FGD4: variants seen among roughly 807,000 people sequenced by gnomAD.
FGD4 encodes FYVE, RhoGEF and PH domain-containing protein 4.
In FGD4, 42 loss-of-function variants were observed where a neutral mutation model predicts 102.0. The ratio of observed to expected loss-of-function variants is 0.41; its 90% CI spans 0.32 to 0.53. The LOEUF is 0.53. FGD4 is among the 20% of genes least tolerant of loss of function. FGD4 has a pLI of 0.21. For synonymous variants in FGD4, 380 were observed against 375.7 expected (o/e 1.01, Z -0.13); for missense variants, 902 against 1,078.2 (o/e 0.84, Z 2.29).
chr12:32,429,532 T>A (rs983126913), intron 1 of FGD4, among the ~76,000 whole-genome samples: 2 of 152,212 alleles, frequency 1.3e-5, no homozygotes, highest in African/African-American at 4.8e-5. Context: ...AGGCAGTCTG[T>A]CCCTTAGCAG....
In FGD4 at chr12:32,625,636, T is replaced by C. The variant is rs1287149077; in HGVS notation, c.2047-18T>C. 6.2e-7 allele frequency: 1 copy of C among 1,613,078 alleles called. No individual in the cohort carries two copies. Among genetic ancestry groups the C allele is most frequent in the South Asian group, 1.1e-5 (1 of 90,872 alleles). On this transcript the variant is annotated intron_variant, in intron 13 of 16. Coordinates refer to ENST00000534526, the MANE Select transcript of FGD4 (RefSeq NM_001370298.3). ...ATAGTTTTTTTCTATTAAAATTGAA[T>C]CTTTCTTCCCTTTTTAGACTGCTGA...
At chr12:32,550,587 C>T (rs1943570436) in intron 1 of FGD4, among the ~76,000 whole-genome samples, 1 of 144,392 alleles carries the variant, frequency 6.9e-6, no homozygotes, top group South Asian at 2.2e-4. Flanking sequence ...GAGAGGATCA[C>T]TTGAGCCTGT....
chr12:32,479,384 G>A (rs1226750103), intron 1 of FGD4, among the ~76,000 whole-genome samples: 1 of 151,790 alleles, frequency 6.6e-6, no homozygotes, highest in Admixed American at 6.6e-5. Context: ...TAATAGAAAC[G>A]GGGTCTCCCT....
intron 1 of FGD4, among the ~76,000 whole-genome samples, chr12:32,549,710 C>T (rs1041306584): frequency 1.3e-5 from 2 of 152,158 alleles, no homozygotes; most frequent in African/African-American, 2.4e-5. Context: ...TGTTTAGGGA[C>T]GGCTGAGGCC....
chr12:32,583,003 A>T (rs981763705), intron 4 of FGD4: 1 of 153,678 alleles, frequency 6.5e-6, no homozygotes, highest in Non-Finnish European at 1.4e-5. Flanking sequence ...ACCCAATTTT[A>T]TAATAAATGG....
intron 16 of FGD4, among the ~76,000 whole-genome samples, chr12:32,639,271 CATCTGCCTCA>C (rs1334678623): frequency 6.6e-6 from 1 of 152,136 alleles, no homozygotes; most frequent in Admixed American, 6.5e-5. Flanking sequence ...TCAAGTGATT[CATCTGCCTCA>C]GCCTCCCGAG....
intron 1 of FGD4, among the ~76,000 whole-genome samples, chr12:32,489,899 A>G (rs1390695547): frequency 6.6e-6 from 1 of 152,160 alleles, no homozygotes; most frequent in East Asian, 1.9e-4. Context: ...TGTCAGAATT[A>G]TGAGCCAAAC....
chr12:32,443,490 A>G (rs1028643900), intron 1 of FGD4, among the ~76,000 whole-genome samples: 5 of 150,318 alleles, frequency 3.3e-5, no homozygotes, highest in African/African-American at 1.2e-4. Context: ...AGCTGGGACT[A>G]CAGGCATGCC....
chr12:32,558,701 T>G (rs1239179219), intron 1 of FGD4, among the ~76,000 whole-genome samples: 1 of 152,214 alleles, frequency 6.6e-6, no homozygotes, highest in Non-Finnish European at 1.5e-5. Flanking sequence ...GCATGACTGT[T>G]TAAATGCCAA....
At chr12:32,599,367 G>A (rs1948166226) in intron 5 of FGD4, among the ~76,000 whole-genome samples, 1 of 142,546 alleles carries the variant, frequency 7.0e-6, no homozygotes, top group African/African-American at 2.7e-5. Flanking sequence ...GGTAGCGGGC[G>A]CCTGTAGTCC....
At chr12:32,545,044 A>C (rs955993744) in intron 1 of FGD4, among the ~76,000 whole-genome samples, 2 of 152,228 alleles carry the variant, frequency 1.3e-5, no homozygotes, top group African/African-American at 4.8e-5. Flanking sequence ...GTCATGGTTG[A>C]GAGCTACTGA....
At chr12:32,574,558 T>C (rs979301998) in intron 2 of FGD4, among the ~76,000 whole-genome samples, 4 of 152,310 alleles carry the variant, frequency 2.6e-5, no homozygotes, top group African/African-American at 7.2e-5. Flanking sequence ...CCCAAACATA[T>C]GTTGGAAAAT....
intron 1 of FGD4, among the ~76,000 whole-genome samples, chr12:32,462,161 G>A (rs547581110): frequency 5.7e-4 from 87 of 152,204 alleles, no homozygotes; most frequent in South Asian, 1.2e-3. Flanking sequence ...TTCCATTCTT[G>A]ATGTGGCAGC....
chr12:32,604,640 A>C (rs78261862), intron 7 of FGD4, among the ~76,000 whole-genome samples: 5 of 152,196 alleles, frequency 3.3e-5, no homozygotes, highest in Non-Finnish European at 7.4e-5. Context: ...CTTCACTTCT[A>C]CTGATGTTGT....
Position 32,499,889 on chromosome 12 carries a change from A to G in FGD4, c.167-64248A>G, listed in dbSNP as rs142827522. ...AAAAATTAGCTGGGTGTGGTGGCAC[A>G]TGCCTGTAGTCCCAACTACTTGAGG... is the stretch of plus-strand genomic sequence containing the variant. On this transcript the variant is annotated intron_variant, in intron 1 of 16. Transcript: ENST00000534526. 9.2e-3 allele frequency among the ~76,000 whole-genome samples: 1,396 copies of G among 152,320 alleles called. 29 individuals carry two copies. Among genetic ancestry groups the G allele is most frequent in the African/African-American group, 0.032 (1,327 of 41,576 alleles).
rs1160771494 is a variant in FGD4, at chr12:32,643,037, T to G, written c.*2504T>G. 1.3e-5 allele frequency: 2 copies of G among 152,558 alleles called. No homozygotes were observed. The highest frequency in any genetic ancestry group is 2.9e-5 in the Non-Finnish European group (2 of 67,948). 9.5% of individuals were successfully genotyped at this position (152,558 alleles called of 1,614,324 possible). ...TCTTAATTCTTTATTTTCACTCATT[T>G]GGTGCTTTCCAAGTCATCTTTTCTT... On this transcript the variant is annotated 3_prime_UTR_variant, in exon 17 of 17. Coordinates refer to ENST00000534526, the MANE Select transcript of FGD4 (RefSeq NM_001370298.3).
At chr12:32,401,470 A>T (rs951976763) in intron 1 of FGD4, among the ~76,000 whole-genome samples, 1 of 152,104 alleles carries the variant, frequency 6.6e-6, no homozygotes, top group African/African-American at 2.4e-5. Context: ...CATGTTGCCC[A>T]GGCTGGTCTC....
intron 1 of FGD4, among the ~76,000 whole-genome samples, chr12:32,483,525 C>T (rs1431418711): frequency 6.6e-6 from 1 of 152,126 alleles, no homozygotes; most frequent in Non-Finnish European, 1.5e-5. Context: ...ACTGCCAAAA[C>T]ATTGAAAAAA....
chr12:32,532,239 T>A (rs1463495828), intron 1 of FGD4, among the ~76,000 whole-genome samples: 2 of 152,232 alleles, frequency 1.3e-5, no homozygotes, highest in East Asian at 1.9e-4. Context: ...ATTATGTGAA[T>A]GTGGTATCTC....
Sources: allele counts gnomAD v4.1 joint callset (sites outside exome capture counted in the v4.1 genomes callset), GRCh38; gene constraint gnomAD v4.1.1; transcripts MANE v1.5; gene names NCBI Gene and HGNC (gene_info 2026-07-23, HGNC 2026-07-21).